Variants in KIF13B observed in about 807,000 individuals in gnomAD.
KIF13B encodes the protein kinesin-like protein KIF13B.
A neutral mutation model predicts 222.0 loss-of-function variants in KIF13B; 127 were observed. The observed-to-expected ratio is 0.57, with a 90% CI of 0.50 to 0.66. The LOEUF (loss-of-function observed/expected upper bound fraction) is 0.66, where lower values mean the gene tolerates loss of function less well. KIF13B is among the 30% of genes least tolerant of loss of function. KIF13B has a pLI of 0.00. For missense variants in KIF13B, 2,173 were observed against 2,379.0 expected (o/e 0.91, Z 1.80); for synonymous variants, 976 against 919.0 (o/e 1.06, Z -1.12).
intron 2 of KIF13B, among the ~76,000 whole-genome samples, chr8:29,202,045 T>G (rs951745279): frequency 1.3e-5 from 2 of 152,202 alleles, no homozygotes; most frequent in Admixed American, 1.3e-4. Context: ...TTCCATCCAC[T>G]TTTGAAGGAT....
intron 6 of KIF13B, 85 bp from the exon 7 acceptor site, chr8:29,182,091 T>G (rs1563766609): frequency 9.8e-7 from 1 of 1,021,550 alleles, no homozygotes; most frequent in Non-Finnish European, 1.5e-6. Context: ...AAATATACAA[T>G]GAATCCAAGA....
At chr8:29,251,530 T>C (rs138667406) in intron 1 of KIF13B, among the ~76,000 whole-genome samples, 74 of 152,270 alleles carry the variant, frequency 4.9e-4, no homozygotes, top group Admixed American at 1.0e-3. Flanking sequence ...AAAAGGTCTA[T>C]GATTCCATTT....
chr8:29,085,569 G>T (rs1808006388), intron 37 of KIF13B, among the ~76,000 whole-genome samples: 1 of 151,424 alleles, frequency 6.6e-6, no homozygotes, highest in African/African-American at 2.4e-5. Flanking sequence ...CAGGGGTCTT[G>T]TTATGTTGCC....
In KIF13B at chr8:29,109,422, C is replaced by T; in HGVS notation, c.4161+12G>A. The stretch of plus-strand genomic sequence containing the variant: ...CCCAGGCACAGCACAGAGCTTGGTT[C>T]CACACACTCACTCTGTTCACATTTG... On this transcript the variant is annotated intron_variant, in intron 34 of 39. Transcript: ENST00000524189. 1 of 1,605,980 alleles carries T rather than the reference C, an allele frequency of 6.2e-7. No homozygotes were observed. Among genetic ancestry groups the T allele is most frequent in the Non-Finnish European group, 8.5e-7 (1 of 1,172,712 alleles).
intron 2 of KIF13B, chr8:29,219,300 G>T (rs576987926): frequency 6.6e-6 from 1 of 152,274 alleles, no homozygotes; most frequent in South Asian, 2.1e-4. Flanking sequence ...CAAGACCAGA[G>T]GGCTGCTAAG....
At chr8:29,161,184 T>C (rs567548044) in intron 12 of KIF13B, among the ~76,000 whole-genome samples, 3 of 152,306 alleles carry the variant, frequency 2.0e-5, no homozygotes, top group East Asian at 3.9e-4. Flanking sequence ...AAAGCAAAAG[T>C]GTGTGCACTT....
At chr8:29,260,724 C>A (rs1014503266) in intron 1 of KIF13B, among the ~76,000 whole-genome samples, 1 of 151,832 alleles carries the variant, frequency 6.6e-6, no homozygotes, top group Non-Finnish European at 1.5e-5. Flanking sequence ...TCAGGCTATT[C>A]TCCCGCCTCA....
intron 14 of KIF13B, among the ~76,000 whole-genome samples, chr8:29,151,698 G>T (rs764274507): frequency 5.9e-5 from 9 of 152,150 alleles, no homozygotes; most frequent in Non-Finnish European, 1.3e-4. Flanking sequence ...ATGCTCAGAA[G>T]ATTCCTTCCA....
chr8:29,219,426 G>A (rs763242662), intron 2 of KIF13B: 1 of 152,382 alleles, frequency 6.6e-6, no homozygotes, highest in Non-Finnish European at 1.5e-5. Flanking sequence ...GGAAGAAGAA[G>A]AGAAAGATGA....
intron 14 of KIF13B, among the ~76,000 whole-genome samples, chr8:29,152,376 C>G: frequency 6.6e-6 from 1 of 152,120 alleles, no homozygotes; most frequent in Non-Finnish European, 1.5e-5. Context: ...GGGTAAAATA[C>G]TACCAAACAG....
chr8:29,261,170 C>G (rs1399219250), intron 1 of KIF13B, among the ~76,000 whole-genome samples: 2 of 152,130 alleles, frequency 1.3e-5, no homozygotes, highest in African/African-American at 4.8e-5. Context: ...ATGCACTTCT[C>G]TATATAGGCT....
intron 3 of KIF13B, among the ~76,000 whole-genome samples, chr8:29,193,159 T>C (rs1456134934): frequency 6.6e-6 from 1 of 152,070 alleles, no homozygotes; most frequent in East Asian, 1.9e-4. Flanking sequence ...GGCCAGGAAG[T>C]GAAAGCAGAC....
chr8:29,175,129 GAA>G (rs142251589), intron 10 of KIF13B, among the ~76,000 whole-genome samples: 1 of 151,466 alleles, frequency 6.6e-6, no homozygotes, highest in Admixed American at 6.6e-5. Flanking sequence ...TTTAAAAATA[GAA>G]AAAAAAGAGT....
At chr8:29,263,150 G>A, upstream of KIF13B, 1 of 898,116 alleles carries the variant, frequency 1.1e-6, no homozygotes, top group Non-Finnish European at 1.6e-6. Context: ...GACCGGGCTG[G>A]GGGCGGGGCC....
chr8:29,160,145 A>G (rs1811709968), intron 13 of KIF13B, among the ~76,000 whole-genome samples: 1 of 152,216 alleles, frequency 6.6e-6, no homozygotes, highest in African/African-American at 2.4e-5. Context: ...TATCTTACTA[A>G]TATATCCCAT....
At chr8:29,180,559 G>A (rs1431928439) in intron 7 of KIF13B, among the ~76,000 whole-genome samples, 1 of 152,120 alleles carries the variant, frequency 6.6e-6, no homozygotes, top group Admixed American at 6.6e-5. Flanking sequence ...AAAAAACGTA[G>A]TTTCTTTAAT....
chr8:29,096,301 T>C (rs1459451935), intron 36 of KIF13B, among the ~76,000 whole-genome samples: 72 of 146,620 alleles, frequency 4.9e-4, no homozygotes, highest in African/African-American at 1.6e-3. Flanking sequence ...TTCTTTTTTT[T>C]TTTTTTTTTT....
intron 18 of KIF13B, among the ~76,000 whole-genome samples, chr8:29,145,634 C>CA (rs973302487): frequency 1.7e-4 from 25 of 150,668 alleles, no homozygotes; most frequent in African/African-American, 2.4e-4. Context: ...CCCTCTCAAA[C>CA]AAAAAAAAGA....
At chr8:29,224,295 G>A (rs1278408270) in intron 2 of KIF13B, among the ~76,000 whole-genome samples, 8 of 152,278 alleles carry the variant, frequency 5.3e-5, no homozygotes, top group Non-Finnish European at 1.2e-4. Context: ...GAGCCACCGC[G>A]CCCGGCCTCA....
Sources: gnomAD v4.1 joint callset for allele counts (sites outside exome capture counted in the v4.1 genomes callset) on GRCh38, gnomAD v4.1.1 for gene constraint, MANE v1.5 for transcripts, NCBI Gene and HGNC (gene_info 2026-07-23, HGNC 2026-07-21) for gene names.